The following HSD17B4 variants were observed in gnomAD, a reference collection of about 807,000 sequenced individuals.
HSD17B4 encodes hydroxysteroid 17-beta dehydrogenase 4.
Under a neutral mutation model 101.0 loss-of-function variants are expected in HSD17B4, and 70 were observed. That is an observed-to-expected ratio of 0.69 (90% CI 0.57 to 0.85). The LOEUF is 0.85. HSD17B4 is among the 40% of genes least tolerant of loss of function. The pLI, the probability that HSD17B4 is intolerant of heterozygous loss-of-function variation, is 0.00. For synonymous variants in HSD17B4, 347 were observed against 297.1 expected (o/e 1.17, Z -1.73); for missense variants, 984 against 892.4 (o/e 1.10, Z -1.31).
chr5:119,528,239 G>T (rs1415394735), intron 20 of HSD17B4, among the ~76,000 whole-genome samples: 1 of 152,072 alleles, frequency 6.6e-6, no homozygotes, highest in Non-Finnish European at 1.5e-5. Flanking sequence ...ATAGAAACCC[G>T]ATCAGCATGG....
chr5:119,523,601 A>G (rs1753308086), intron 17 of HSD17B4, among the ~76,000 whole-genome samples: 1 of 152,152 alleles, frequency 6.6e-6, no homozygotes, highest in Non-Finnish European at 1.5e-5. Flanking sequence ...CATTGAAATA[A>G]TGTGAGATAT....
Position 119,541,928 on chromosome 5 carries a change from GGCCAGAGGGAACATCATGCTGA to G in HSD17B4, c.2152_2173del (p.Gly718AsnfsTer4). ...AGGCATTCTTTAGTGGCAGGCTGAA[GGCCAGAGGGAACATCATGCTGA>G]GCCAGAAACTTCAGATGATTCTTAA... On this transcript the variant is annotated frameshift_variant, in exon 24 of 24. Transcript: ENST00000510025. LOFTEE classifies it high-confidence loss of function. 1 of 1,612,794 alleles carries G rather than the reference GGCCAGAGGGAACATCATGCTGA, an allele frequency of 6.2e-7. No individual in the cohort carries two copies. Among genetic ancestry groups the G allele is most frequent in the Non-Finnish European group, 8.5e-7 (1 of 1,179,172 alleles).
At chr5:119,540,014 G>A (rs1754853733) in intron 23 of HSD17B4, among the ~76,000 whole-genome samples, 1 of 151,886 alleles carries the variant, frequency 6.6e-6, no homozygotes, top group Non-Finnish European at 1.5e-5. Flanking sequence ...GATCACTTGA[G>A]CCCAGGAGGC....
At chr5:119,456,856 C>T (rs1349239518) in intron 2 of HSD17B4, 7 of 166,282 alleles carry the variant, frequency 4.2e-5, no homozygotes, top group Admixed American at 2.8e-4. Flanking sequence ...TCTACTGGTG[C>T]GAGATCAAAA....
intron 8 of HSD17B4, among the ~76,000 whole-genome samples, chr5:119,485,975 T>A (rs1447385663): frequency 6.6e-6 from 1 of 152,196 alleles, no homozygotes; most frequent in East Asian, 1.9e-4. Flanking sequence ...AGATGTTTGC[T>A]GGCACTGAAG....
intron 20 of HSD17B4, among the ~76,000 whole-genome samples, chr5:119,527,485 C>G (rs1753709393): frequency 6.6e-6 from 1 of 151,984 alleles, no homozygotes; most frequent in African/African-American, 2.4e-5. Context: ...AGTGGCCCAG[C>G]TATTCTGAAA....
At chr5:119,509,558 C>T (rs1395415856) in intron 16 of HSD17B4, 10 of 423,166 alleles carry the variant, frequency 2.4e-5, no homozygotes, top group Non-Finnish European at 4.4e-5. Context: ...TCTTCTTCCT[C>T]TTCTTCTTTT....
chr5:119,479,050 G>A, intron 8 of HSD17B4, 29 bp downstream of exon 8: 1 of 1,532,394 alleles, frequency 6.5e-7, no homozygotes, highest in African/African-American at 1.4e-5. Flanking sequence ...ATTTTTCAGT[G>A]CTGTTACTTA....
intron 17 of HSD17B4, among the ~76,000 whole-genome samples, chr5:119,523,177 T>C (rs1753265219): frequency 6.6e-6 from 1 of 152,132 alleles, no homozygotes; most frequent in African/African-American, 2.4e-5. Context: ...AAAGCACTAG[T>C]TTCCTGAGCC....
intron 15 of HSD17B4, 148 bp from the exon 16 acceptor site, chr5:119,508,993 A>G (rs1751914520): frequency 3.2e-6 from 2 of 631,740 alleles, no homozygotes; most frequent in Non-Finnish European, 5.6e-6. Context: ...TTTGTAATCC[A>G]AACTTGGACA....
intron 11 of HSD17B4, among the ~76,000 whole-genome samples, chr5:119,495,202 ACAGT>A (rs1422030885): frequency 6.6e-6 from 1 of 152,164 alleles, no homozygotes; most frequent in African/African-American, 2.4e-5. Flanking sequence ...TCTATGAATA[ACAGT>A]CACTTATCCA....
intron 12 of HSD17B4, among the ~76,000 whole-genome samples, chr5:119,498,072 AT>A (rs1270130892): frequency 1.3e-5 from 2 of 152,212 alleles, no homozygotes; most frequent in African/African-American, 2.4e-5. Flanking sequence ...CTCATGTGAA[AT>A]TTGCCTATTT....
chr5:119,536,497 C>T lies in HSD17B4; in HGVS notation c.2068C>T (p.Leu690Phe), dbSNP rs754641735. 1.9e-6 allele frequency: 3 copies of T among 1,611,904 alleles called. No homozygotes were observed. The highest frequency in any genetic ancestry group is 2.5e-6 in the Non-Finnish European group (3 of 1,178,264). The change falls in exon 23 of 24, where the codon CTT becomes TTT. Residue 690 changes from leucine (L) to phenylalanine (F), a missense_variant. Leu to Phe is a conservative substitution (Grantham distance 22). Coordinates refer to ENST00000510025, the MANE Select transcript of HSD17B4 (RefSeq NM_000414.4). The stretch of plus-strand genomic sequence containing the variant: ...AGGTGCTGCTGATACAACAATCATA[C>T]TTTCAGATGAAGATTTCATGGAGGT... ...AKGAADTTII[L>F]SDEDFMEVVL...
chr5:119,466,642 G>A (rs1755838007), intron 2 of HSD17B4, among the ~76,000 whole-genome samples: 1 of 151,920 alleles, frequency 6.6e-6, no homozygotes, highest in Non-Finnish European at 1.5e-5. Flanking sequence ...AGTTGTAAAT[G>A]CCTTTTTTTC....
At chr5:119,456,662 G>A (rs1044900622) in intron 2 of HSD17B4, 57 of 435,310 alleles carry the variant, frequency 1.3e-4, no homozygotes, top group Non-Finnish European at 2.4e-4. Context: ...TGGGAGGATC[G>A]CTTGAGACCA....
intron 11 of HSD17B4, among the ~76,000 whole-genome samples, chr5:119,494,243 T>G (rs1439676810): frequency 6.6e-6 from 1 of 152,192 alleles, no homozygotes; most frequent in Non-Finnish European, 1.5e-5. Flanking sequence ...TCCTCACTGA[T>G]GGTTGGTTTC....
At chr5:119,502,000 C>T in intron 13 of HSD17B4, 41 bp from the exon 14 acceptor site, 1 of 1,268,448 alleles carries the variant, frequency 7.9e-7, no homozygotes, top group South Asian at 1.2e-5. Flanking sequence ...ACCTGTGGAG[C>T]AAGAAAGTTT....
intron 17 of HSD17B4, among the ~76,000 whole-genome samples, chr5:119,521,534 C>G (rs937212654): frequency 7.2e-5 from 11 of 151,908 alleles, no homozygotes; most frequent in Non-Finnish European, 1.6e-4. Context: ...TGTCTTTCAA[C>G]TACTTTTCTT....
intron 8 of HSD17B4, among the ~76,000 whole-genome samples, chr5:119,480,354 A>G (rs1473617832): frequency 2.0e-5 from 3 of 152,102 alleles, no homozygotes; most frequent in Non-Finnish European, 4.4e-5. Flanking sequence ...TGGCTTGAGA[A>G]ATAAAGGGAC....
Sources: gnomAD v4.1 joint callset for allele counts (sites outside exome capture counted in the v4.1 genomes callset) on GRCh38, gnomAD v4.1.1 for gene constraint, MANE v1.5 for transcripts, NCBI Gene and HGNC (gene_info 2026-07-23, HGNC 2026-07-21) for gene names.